SUPT20H: variants seen among roughly 807,000 people sequenced by gnomAD.
SUPT20H encodes the protein SPT20 homolog, SAGA complex component.
A neutral mutation model predicts 122.8 loss-of-function variants in SUPT20H; 82 were observed. The ratio of observed to expected loss-of-function variants is 0.67; its 90% CI spans 0.56 to 0.80. SUPT20H has a LOEUF of 0.80. Ranked by LOEUF, SUPT20H falls within the 30% of genes least tolerant of loss-of-function variation. The pLI, the probability that SUPT20H is intolerant of heterozygous loss-of-function variation, is 0.00. For missense variants in SUPT20H, 831 were observed against 921.6 expected, an observed-to-expected ratio of 0.90 and a Z score of 1.27; for synonymous variants, 291 against 313.0, an observed-to-expected ratio of 0.93 and a Z score of 0.74.
At chr13:37,047,756 A>C in intron 4 of SUPT20H, 122 bp downstream of exon 4, 2 of 1,237,078 alleles carry the variant, frequency 1.6e-6, no homozygotes, top group Non-Finnish European at 2.2e-6. Flanking sequence ...TCAACTTAGA[A>C]ATTCCTAATA....
intron 6 of SUPT20H, 90 bp downstream of exon 6, chr13:37,045,157 G>A: frequency 6.5e-7 from 1 of 1,547,706 alleles, no homozygotes; most frequent in Non-Finnish European, 8.8e-7. Flanking sequence ...AAGGACAAAT[G>A]CTTTAGCAGG....
intron 1 of SUPT20H, among the ~76,000 whole-genome samples, chr13:37,055,348 G>A (rs377143659): frequency 1.3e-4 from 20 of 151,978 alleles, no homozygotes; most frequent in Middle Eastern, 3.4e-3. Flanking sequence ...GAGGCATCAC[G>A]CTACCTGACT....
At chr13:37,009,921 T>C in intron 25 of SUPT20H, 112 bp from the exon 26 acceptor site, 3 of 1,437,976 alleles carry the variant, frequency 2.1e-6, no homozygotes, top group Non-Finnish European at 2.8e-6. Flanking sequence ...AGCACCAAGA[T>C]AACAAAAAGG....
intron 1 of SUPT20H, among the ~76,000 whole-genome samples, chr13:37,054,499 C>G (rs191951294): frequency 6.6e-6 from 1 of 152,264 alleles, no homozygotes; most frequent in African/African-American, 2.4e-5. Flanking sequence ...AGCATATGAA[C>G]AGAACCCATG....
intron 7 of SUPT20H, among the ~76,000 whole-genome samples, chr13:37,043,653 T>G (rs538008406): frequency 6.6e-6 from 1 of 152,008 alleles, no homozygotes; most frequent in Non-Finnish European, 1.5e-5. Context: ...TCTTCTATTA[T>G]TATTAGTTTT....
chr13:37,057,957 T>C lies in SUPT20H; in HGVS notation c.-94+1602A>G, dbSNP rs144866281. The stretch of plus-strand genomic sequence containing the variant: ...CCACTGCACTGCAGCCTGGACGACA[T>C]AGAGAGACTCCGTCTCAAAAAAAAA... On this transcript the variant is annotated intron_variant, in intron 1 of 25. Coordinates refer to ENST00000350612, the MANE Select transcript of SUPT20H (RefSeq NM_001014286.3). 3.3e-3 allele frequency among the ~76,000 whole-genome samples: 355 copies of C among 108,758 alleles called. 3 individuals carry two copies. Among genetic ancestry groups the C allele is most frequent in the Middle Eastern group, 0.022 (2 of 92 alleles). 71.3% of individuals were successfully genotyped at this position (108,758 alleles called of 152,430 possible).
At chr13:37,048,783 A>G (rs932996333) in intron 2 of SUPT20H, among the ~76,000 whole-genome samples, 184 bp from the exon 3 acceptor site, 2 of 152,154 alleles carry the variant, frequency 1.3e-5, no homozygotes, top group Non-Finnish European at 2.9e-5. Flanking sequence ...TGGGCACCTG[A>G]TTACTAACAA....
At chr13:37,049,736 T>C (rs1165384271) in intron 2 of SUPT20H, among the ~76,000 whole-genome samples, 6 of 152,028 alleles carry the variant, frequency 3.9e-5, no homozygotes, top group Non-Finnish European at 7.4e-5. Context: ...CAAAACTCCA[T>C]CTCAAAAAAA....
chr13:37,048,738 T>A, intron 2 of SUPT20H, 139 bp from the exon 3 acceptor site: 1 of 610,470 alleles, frequency 1.6e-6, no homozygotes. Flanking sequence ...CACTCTATGA[T>A]CAATATATAT....
At chr13:37,026,915 T>C in intron 14 of SUPT20H, 99 bp from the exon 15 acceptor site, 1 of 735,932 alleles carries the variant, frequency 1.4e-6, no homozygotes, top group Non-Finnish European at 2.0e-6. Flanking sequence ...GAAGAATGAC[T>C]GGAAGATAAT....
chr13:37,034,780 G>A (rs1054720053), intron 9 of SUPT20H, among the ~76,000 whole-genome samples: 7 of 152,322 alleles, frequency 4.6e-5, no homozygotes, highest in Non-Finnish European at 8.8e-5. Flanking sequence ...AAGCTTCAAA[G>A]AACAGGCTGA....
At chr13:37,044,321 A>G (rs1179727533) in intron 6 of SUPT20H, 140 bp from the exon 7 acceptor site, 3 of 588,584 alleles carry the variant, frequency 5.1e-6, no homozygotes, top group Admixed American at 7.9e-5. Flanking sequence ...AAATAAAAAT[A>G]AAAAACAAAA....
At chr13:37,017,211 T>C (rs776064148) in intron 23 of SUPT20H, 34 bp downstream of exon 23, 13 of 1,613,682 alleles carry the variant, frequency 8.1e-6, no homozygotes, top group South Asian at 4.4e-5. Context: ...ATAAATTCGA[T>C]GTAAAAGCAT....
chr13:37,018,138 A>G (rs1452439292), intron 22 of SUPT20H, among the ~76,000 whole-genome samples: 2 of 152,170 alleles, frequency 1.3e-5, no homozygotes, highest in African/African-American at 4.8e-5. Flanking sequence ...AAAAAAATAA[A>G]AAATCCTTGG....
rs1179666858 is a variant in SUPT20H at position 37,022,910 on chromosome 13, T to C, written c.1592-830A>G. The stretch of plus-strand genomic sequence containing the variant: ...GTAACTGTGTACTTCTGTTTAAATG[T>C]AGAATGTATAGAAAATCTGTTGTGA... On this transcript the variant is annotated intron_variant, in intron 19 of 25. Coordinates refer to ENST00000350612, the MANE Select transcript of SUPT20H (RefSeq NM_001014286.3). The surrounding 1 kb of genome is among the most constrained non-coding windows in gnomAD (Gnocchi z 4.5). 3 of 1,141,038 alleles carry C rather than the reference T, an allele frequency of 2.6e-6. No homozygotes were observed. Among genetic ancestry groups the C allele is most frequent in the Non-Finnish European group, 3.3e-6 (3 of 909,112 alleles). 70.7% of individuals were successfully genotyped at this position (1,141,038 alleles called of 1,614,324 possible).
intron 7 of SUPT20H, among the ~76,000 whole-genome samples, chr13:37,041,788 A>G (rs1205518387): frequency 6.6e-6 from 1 of 152,184 alleles, no homozygotes; most frequent in Non-Finnish European, 1.5e-5. Context: ...GTCAGACAAC[A>G]TTTGCTCTCA....
At chr13:37,048,626 T>C (rs1174634505) in intron 2 of SUPT20H, 27 bp from the exon 3 acceptor site, 2 of 1,579,574 alleles carry the variant, frequency 1.3e-6, no homozygotes, top group African/African-American at 1.4e-5. Context: ...GTATATTTGG[T>C]AATATTAGTT....
At chr13:37,029,861 C>T in intron 12 of SUPT20H, 25 bp from the exon 13 acceptor site, 2 of 1,540,224 alleles carry the variant, frequency 1.3e-6, no homozygotes, top group South Asian at 1.2e-5. Flanking sequence ...CAAGAAATAC[C>T]ACATAAAATA....
At chr13:37,043,235 G>A (rs2065813403) in intron 7 of SUPT20H, among the ~76,000 whole-genome samples, 1 of 152,218 alleles carries the variant, frequency 6.6e-6, no homozygotes, top group Non-Finnish European at 1.5e-5. Context: ...CGGGAAGGCA[G>A]GCAGATATGA....
Sources: allele counts gnomAD v4.1 joint callset (sites outside exome capture counted in the v4.1 genomes callset), GRCh38; gene constraint gnomAD v4.1.1; non-coding constraint Gnocchi (gnomAD v3.1); transcripts MANE v1.5; gene names NCBI Gene and HGNC (gene_info 2026-07-23, HGNC 2026-07-21).